Variants in STARD13 observed in about 807,000 individuals in gnomAD.
STARD13 encodes stAR-related lipid transfer protein 13.
In STARD13, 62 loss-of-function variants were observed where a neutral mutation model predicts 106.4. The ratio of observed to expected loss-of-function variants is 0.58; its 90% confidence interval spans 0.48 to 0.72. The LOEUF is 0.72. STARD13 is among the 30% of genes least tolerant of loss of function. The pLI, the probability that STARD13 is intolerant of heterozygous loss-of-function variation, is 0.00. For missense variants in STARD13, 1,387 were observed against 1,424.0 expected, an observed-to-expected ratio of 0.97 and a Z score of 0.42; for synonymous variants, 565 against 553.0, an observed-to-expected ratio of 1.02 and a Z score of -0.31.
the STARD13 span, among the ~76,000 whole-genome samples, chr13:33,516,187 A>C: frequency 0.057 from 8,457 of 147,618 alleles, 795 homozygotes; most frequent in African/African-American, 0.19. Context: ...CATATATATG[A>C]ATTATATATA....
the STARD13 span, among the ~76,000 whole-genome samples, chr13:33,372,005 C>T: frequency 6.6e-6 from 1 of 152,182 alleles, no homozygotes; most frequent in Admixed American, 6.5e-5. Flanking sequence ...GTGTGAGGGC[C>T]TATGGATTCC....
the STARD13 span, among the ~76,000 whole-genome samples, chr13:33,366,776 G>A: frequency 6.6e-6 from 1 of 152,162 alleles, no homozygotes; most frequent in Non-Finnish European, 1.5e-5. The surrounding 1 kb of genome is among the most constrained non-coding windows in gnomAD (Gnocchi z 4.2). Context: ...TGGACCTCTG[G>A]ATTAATGCCT....
intron 1 of STARD13, among the ~76,000 whole-genome samples, chr13:33,200,378 C>A (rs1232014314): frequency 1.3e-5 from 2 of 152,224 alleles, no homozygotes; most frequent in African/African-American, 4.8e-5. Context: ...AAGGCAGGAG[C>A]TACCGTGCCA....
intron 8 of STARD13, 71 bp downstream of exon 8, chr13:33,117,994 T>C: frequency 6.2e-7 from 1 of 1,600,542 alleles, no homozygotes; most frequent in Non-Finnish European, 8.5e-7. Flanking sequence ...TAAAACTCAA[T>C]CTATAGGGAA....
At chr13:33,178,209 T>C (rs2138434423) in intron 1 of STARD13, among the ~76,000 whole-genome samples, 1 of 152,352 alleles carries the variant, frequency 6.6e-6, no homozygotes, top group Non-Finnish European at 1.5e-5. Context: ...GCTTTTGCAC[T>C]CGACAATGCA....
At chr13:33,315,775 A>T (rs1159700027) in intron 1 of STARD13, among the ~76,000 whole-genome samples, 2 of 152,166 alleles carry the variant, frequency 1.3e-5, no homozygotes, top group Non-Finnish European at 2.9e-5. Context: ...CATTTTAAAC[A>T]TCAAAAAGTA....
chr13:33,129,466 C>T lies in STARD13; in HGVS notation c.1211G>A (p.Gly404Glu), dbSNP rs201254501. 6.6e-5 allele frequency: 106 copies of T among 1,614,182 alleles called. 1 individual carries two copies. In the East Asian group the frequency reaches 2.3e-3, roughly 35 times the overall value. Residue 404 changes from glycine (G) to glutamate (E), a missense_variant, in exon 5 of 14, where the codon GGA (glycine) becomes GAA (glutamate). Coordinates refer to ENST00000336934, the MANE Select transcript of STARD13 (RefSeq NM_178006.4). ...AATAGAAAGTGCCTTGGGGAATGTTCCTGGTTTGTGATCCTTGGGAATATG... is the reference window on the plus strand; with the variant it reads ...AATAGAAAGTGCCTTGGGGAATGTTTCTGGTTTGTGATCCTTGGGAATATG... ...VVHIPKDHKP[G>E]TFPKALSIES... is the part of the protein sequence containing the mutation.
chr13:33,364,644 C>T, the STARD13 span, among the ~76,000 whole-genome samples: 1 of 152,198 alleles, frequency 6.6e-6, no homozygotes, highest in African/African-American at 2.4e-5. Context: ...AATCCCAGCT[C>T]TTTGGGAGGC....
chr13:33,238,652 C>A (rs1208997556), intron 1 of STARD13, among the ~76,000 whole-genome samples: 1 of 152,032 alleles, frequency 6.6e-6, no homozygotes, highest in Non-Finnish European at 1.5e-5. Flanking sequence ...GAAAACCTGA[C>A]TTGATGGTCA....
the STARD13 span, among the ~76,000 whole-genome samples, chr13:33,571,127 C>A: frequency 2.0e-5 from 3 of 152,064 alleles, no homozygotes; most frequent in African/African-American, 7.2e-5. Context: ...TTTGAATTTA[C>A]TGGGCATGTG....
At chr13:33,166,400 C>G (rs1006983606) in intron 2 of STARD13, among the ~76,000 whole-genome samples, 2 of 152,114 alleles carry the variant, frequency 1.3e-5, no homozygotes, top group Non-Finnish European at 2.9e-5. Context: ...CTCCTGGGCT[C>G]TGGCACTCTC....
At chr13:33,422,392 A>T in the STARD13 span, among the ~76,000 whole-genome samples, 7 of 152,210 alleles carry the variant, frequency 4.6e-5, no homozygotes, top group Non-Finnish European at 7.3e-5. Context: ...TTTACAAAGG[A>T]TGGGAAGGAT....
intron 7 of STARD13, among the ~76,000 whole-genome samples, chr13:33,122,206 T>C (rs1197974267): frequency 6.6e-6 from 1 of 152,196 alleles, no homozygotes; most frequent in Non-Finnish European, 1.5e-5. Flanking sequence ...GGCCCTGAAC[T>C]CCTGACCTCA....
the STARD13 span, among the ~76,000 whole-genome samples, chr13:33,477,182 A>G: frequency 6.6e-6 from 1 of 152,224 alleles, no homozygotes; most frequent in East Asian, 1.9e-4. Context: ...AATTGCTACA[A>G]GTCAATATCT....
chr13:33,117,307 C>A (rs573987178), intron 8 of STARD13, among the ~76,000 whole-genome samples: 1 of 152,254 alleles, frequency 6.6e-6, no homozygotes, highest in South Asian at 2.1e-4. Context: ...GATGGGGTTT[C>A]ACCATGTTGG....
rs1451294490 is a variant in STARD13 at position 33,226,274 on chromosome 13, T to C, written c.170-58652A>G. ...GTTTCTTCTTAGAGACAAACTTTAT[T>C]TGTGCTTTTTCATTTTTTTATAAAT... On this transcript the variant is annotated intron_variant, in intron 1 of 13. Coordinates refer to ENST00000336934, the MANE Select transcript of STARD13 (RefSeq NM_178006.4). 2.6e-5 allele frequency among the ~76,000 whole-genome samples: 4 copies of C among 152,328 alleles called. No individual in the cohort carries two copies. The South Asian group carries it at 8.3e-4, about 32-fold the overall frequency.
chr13:33,670,365 A>C, the STARD13 span, among the ~76,000 whole-genome samples: 41 of 152,234 alleles, frequency 2.7e-4, no homozygotes, highest in African/African-American at 9.9e-4. Context: ...TCATTGAACG[A>C]ACATAATTGG....
In STARD13 at chr13:33,205,655, G is replaced by A. The variant is rs1346467175; in HGVS notation, c.170-38033C>T. Reference sequence around the variant, plus strand: ...GTGAGTAGCCAAAATGACAGTCACTGCTTTTTAATTTTAAATCAAGTTCTT... The same window carrying A: ...GTGAGTAGCCAAAATGACAGTCACTACTTTTTAATTTTAAATCAAGTTCTT... On this transcript the variant is annotated intron_variant, in intron 1 of 13. Coordinates refer to ENST00000336934, the MANE Select transcript of STARD13 (RefSeq NM_178006.4). Among the ~76,000 whole-genome samples the A allele has an allele frequency of 2.6e-5, 4 of 152,172 alleles. No homozygotes were observed. In the East Asian group the frequency reaches 7.7e-4, roughly 29 times the overall value.
chr13:33,551,568 C>CTTTTTTTTTTTTTTTTTTTTTTTTTTTTT, the STARD13 span, among the ~76,000 whole-genome samples: 10 of 44,786 alleles, frequency 2.2e-4, 5 homozygotes, highest in Admixed American at 5.2e-4. Context: ...TTTGCTTTTC[C>CTTTTTTTTTTTTTTTTTTTTTTTTTTTTT]CTTTTTTTTT....
Sources: allele counts gnomAD v4.1 joint callset (sites outside exome capture counted in the v4.1 genomes callset), GRCh38; gene constraint gnomAD v4.1.1; non-coding constraint Gnocchi (gnomAD v3.1); transcripts MANE v1.5; gene names NCBI Gene and HGNC (gene_info 2026-07-23, HGNC 2026-07-21).